Variants in ELP1 observed in about 807,000 individuals in gnomAD.
ELP1 encodes the protein elongator complex protein 1.
ELP1 carries 131 observed loss-of-function variants against 183.2 expected under a neutral mutation model. The ratio of observed to expected loss-of-function variants is 0.72; its 90% CI spans 0.62 to 0.83. The LOEUF (loss-of-function observed/expected upper bound fraction) is 0.83, where lower values mean the gene tolerates loss of function less well. Ranked by LOEUF, ELP1 falls within the 40% of genes least tolerant of loss-of-function variation. The pLI is 0.00. For missense variants in ELP1, 1,550 were observed against 1,594.9 expected (o/e 0.97, Z 0.48); for synonymous variants, 555 against 569.0 (o/e 0.98, Z 0.35).
At chr9:108,929,299 C>T (rs538676740) in intron 3 of ELP1, among the ~76,000 whole-genome samples, 1 of 152,322 alleles carries the variant, frequency 6.6e-6, no homozygotes, top group East Asian at 1.9e-4. Flanking sequence ...AAGTCTAGCT[C>T]TACTGGCAGT....
At chr9:108,907,441 T>A (rs1829061874) in intron 13 of ELP1, among the ~76,000 whole-genome samples, 1 of 152,216 alleles carries the variant, frequency 6.6e-6, no homozygotes, top group African/African-American at 2.4e-5. Context: ...ACAGGCAGCC[T>A]CAAAATCATA....
intron 35 of ELP1, chr9:108,875,564 T>C (rs1827677735): frequency 1.3e-5 from 4 of 299,688 alleles, no homozygotes; most frequent in Non-Finnish European, 2.0e-5. Context: ...ACAACCATAC[T>C]TCACCAATCA....
At chr9:108,885,826 T>C (rs891121977) in intron 29 of ELP1, among the ~76,000 whole-genome samples, 1 of 151,836 alleles carries the variant, frequency 6.6e-6, no homozygotes, top group Non-Finnish European at 1.5e-5. Flanking sequence ...TTGAAGGAGC[T>C]TGGAAAAAAA....
intron 13 of ELP1, 79 bp from the exon 14 acceptor site, chr9:108,906,564 T>C (rs1829029252): frequency 8.4e-7 from 1 of 1,185,060 alleles, no homozygotes; most frequent in African/African-American, 1.5e-5. Context: ...GAAGGAAGAC[T>C]GAAGCATCTT....
intron 36 of ELP1, among the ~76,000 whole-genome samples, chr9:108,873,297 A>G (rs1306239727): frequency 6.6e-6 from 1 of 152,240 alleles, no homozygotes; most frequent in Admixed American, 6.5e-5. Flanking sequence ...CCATCAAGTC[A>G]TTGATTTCAC....
chr9:108,870,388 T>C (rs1484765015), intron 36 of ELP1, among the ~76,000 whole-genome samples: 1 of 152,208 alleles, frequency 6.6e-6, no homozygotes, highest in African/African-American at 2.4e-5. Context: ...ATATACTACA[T>C]TCCTACAATA....
intron 25 of ELP1, among the ~76,000 whole-genome samples, chr9:108,894,802 G>C (rs984873951): frequency 2.6e-5 from 4 of 152,120 alleles, no homozygotes; most frequent in African/African-American, 9.7e-5. Flanking sequence ...AAAACTCTGA[G>C]ACCCTGCCAA....
intron 1 of ELP1, among the ~76,000 whole-genome samples, chr9:108,931,529 T>C (rs192061086): frequency 1.3e-5 from 2 of 152,338 alleles, no homozygotes; most frequent in East Asian, 3.9e-4. Context: ...GGGGAAACAT[T>C]TTATTTTTGC....
intron 22 of ELP1, among the ~76,000 whole-genome samples, chr9:108,897,689 G>A (rs1407355666): frequency 6.6e-6 from 1 of 152,238 alleles, no homozygotes; most frequent in Non-Finnish European, 1.5e-5. Flanking sequence ...CCATTTAGGT[G>A]AAGTTCTTGA....
chr9:108,884,713 C>T (rs764019958), intron 29 of ELP1, among the ~76,000 whole-genome samples: 2 of 152,050 alleles, frequency 1.3e-5, no homozygotes, highest in Admixed American at 6.6e-5. Context: ...ATAACTAAAA[C>T]GGTGCTTGAG....
Position 108,893,977 on chromosome 9 carries a change from T to A in ELP1, c.2826A>T (p.Arg942=), listed in dbSNP as rs780726202. ...TGAGGTGGCCAATGGCTTTTTCATA[T>A]CGTTTCAAGTATTTGTCTATAGTAA... ...QRFTIDKYLK[R]YEKAIGHLSK... is the part of the protein sequence containing the mutation. The change falls in exon 26 of 37, where the codon CGA becomes CGT. Residue 942 remains arginine, a synonymous_variant. Coordinates refer to ENST00000374647, the MANE Select transcript of ELP1 (RefSeq NM_003640.5). The A allele has an allele frequency of 7.4e-6, 12 of 1,613,378 alleles. No individual in the cohort carries two copies. The East Asian group carries it at 1.6e-4, about 21-fold the overall frequency.
At chr9:108,919,050 T>C in intron 7 of ELP1, 149 bp from the exon 8 acceptor site, 1 of 791,164 alleles carries the variant, frequency 1.3e-6, no homozygotes, top group Non-Finnish European at 2.2e-6. Flanking sequence ...CAAATTTGTG[T>C]CCACCAGGTA....
rs891124554 is a variant in ELP1, at chr9:108,927,358, A to G, written c.385+14T>C. The G allele has an allele frequency of 1.8e-5, 29 of 1,600,684 alleles. No individual in the cohort carries two copies. Among genetic ancestry groups the G allele is most frequent in the Non-Finnish European group, 2.2e-5 (26 of 1,167,964 alleles). On this transcript the variant is annotated intron_variant, in intron 4 of 36. Coordinates refer to ENST00000374647, the MANE Select transcript of ELP1 (RefSeq NM_003640.5). ...GTTTTAAAAAAGCCAGTGAGGCACC[A>G]GTAACAAGCTTACCTGTGGCAAGAA... is the stretch of plus-strand genomic sequence containing the variant.
intron 35 of ELP1, 140 bp downstream of exon 35, chr9:108,877,855 C>A: frequency 1.1e-6 from 1 of 882,344 alleles, no homozygotes; most frequent in Non-Finnish European, 1.9e-6. Context: ...TTACTGACAG[C>A]TTACACATAA....
At chr9:108,895,810 G>C (rs185247242) in intron 25 of ELP1, among the ~76,000 whole-genome samples, 1 of 152,274 alleles carries the variant, frequency 6.6e-6, no homozygotes, top group African/African-American at 2.4e-5. Context: ...CATAGGAAAG[G>C]AGGCCATGAG....
chr9:108,878,340 T>TG (rs1216959231), intron 34 of ELP1, among the ~76,000 whole-genome samples, 191 bp from the exon 35 acceptor site: 1 of 152,162 alleles, frequency 6.6e-6, no homozygotes, highest in African/African-American at 2.4e-5. Context: ...TCAAGCACGC[T>TG]GGGGGGCCTA....
chr9:108,910,890 T>C (rs908445212), intron 12 of ELP1, 120 bp downstream of exon 12: 9 of 812,300 alleles, frequency 1.1e-5, no homozygotes, highest in Admixed American at 1.9e-5. Context: ...TGATATCAAC[T>C]GCAGACTTAA....
intron 36 of ELP1, among the ~76,000 whole-genome samples, 155 bp from the exon 37 acceptor site, chr9:108,869,337 C>T (rs868601421): frequency 2.0e-4 from 31 of 152,166 alleles, no homozygotes; most frequent in Admixed American, 1.4e-3. Context: ...CTGCAACCTC[C>T]AGGTCAGAGC....
At chr9:108,899,296 T>C (rs1775553644) in intron 20 of ELP1, among the ~76,000 whole-genome samples, 1 of 140,408 alleles carries the variant, frequency 7.1e-6, no homozygotes, top group Non-Finnish European at 1.5e-5. Flanking sequence ...CAAGACTCTG[T>C]CTCAAAAAAA....
Sources: gnomAD v4.1 joint callset for allele counts (sites outside exome capture counted in the v4.1 genomes callset) on GRCh38, gnomAD v4.1.1 for gene constraint, MANE v1.5 for transcripts, NCBI Gene and HGNC (gene_info 2026-07-23, HGNC 2026-07-21) for gene names.